Variants in ROBO1 observed in about 807,000 individuals in gnomAD.
ROBO1 encodes roundabout guidance receptor 1.
Under a neutral mutation model 195.9 loss-of-function variants are expected in ROBO1, and 149 were observed. The observed-to-expected ratio is 0.76, with a 90% CI of 0.67 to 0.87. The LOEUF (loss-of-function observed/expected upper bound fraction) is 0.87. Ranked by LOEUF, ROBO1 falls within the 40% of genes least tolerant of loss-of-function variation. The pLI, the probability that ROBO1 is intolerant of heterozygous loss-of-function variation, is 0.00. For synonymous variants in ROBO1, 816 were observed against 733.2 expected (o/e 1.11, Z -1.82); for missense variants, 1,933 against 2,068.3 (o/e 0.93, Z 1.27).
At chr3:78,696,716 G>A (rs7610500) in intron 8 of ROBO1, among the ~76,000 whole-genome samples, 37,070 of 138,452 alleles carry the variant, frequency 0.27, 4,864 homozygotes, top group African/African-American at 0.34. Flanking sequence ...ATATATACAC[G>A]TATATATACA....
chr3:79,052,267 C>T (rs145164957), intron 3 of ROBO1, among the ~76,000 whole-genome samples: 15 of 152,152 alleles, frequency 9.9e-5, no homozygotes, highest in South Asian at 2.1e-4. Flanking sequence ...GGATGAAATA[C>T]GCCCTCGTCT....
At chr3:79,268,108 T>C (rs927261194) in intron 2 of ROBO1, among the ~76,000 whole-genome samples, 2 of 151,554 alleles carry the variant, frequency 1.3e-5, no homozygotes, top group African/African-American at 4.8e-5. Context: ...GCAGAAAAAA[T>C]TATCACAGGT....
At chr3:79,080,959 G>A (rs1359973068) in intron 3 of ROBO1, among the ~76,000 whole-genome samples, 1 of 151,970 alleles carries the variant, frequency 6.6e-6, no homozygotes, top group Non-Finnish European at 1.5e-5. Flanking sequence ...AGCAAATCAG[G>A]GCCCAGAGTT....
intron 2 of ROBO1, among the ~76,000 whole-genome samples, chr3:79,240,766 C>T (rs2082498505): frequency 6.6e-6 from 1 of 152,084 alleles, no homozygotes; most frequent in African/African-American, 2.4e-5. Flanking sequence ...CCAACCTCAG[C>T]CTCAGCCTGG....
intron 1 of ROBO1, among the ~76,000 whole-genome samples, chr3:79,598,551 A>G (rs1944248617): frequency 6.6e-6 from 1 of 151,930 alleles, no homozygotes; most frequent in Admixed American, 6.6e-5. Context: ...TTATTATTTA[A>G]TTTATTTTAT....
chr3:79,496,014 A>G (rs1251402613), intron 2 of ROBO1, among the ~76,000 whole-genome samples: 1 of 151,976 alleles, frequency 6.6e-6, no homozygotes, highest in Non-Finnish European at 1.5e-5. Flanking sequence ...GGAGTTGGAG[A>G]CCAGCCTGGC....
intron 3 of ROBO1, among the ~76,000 whole-genome samples, chr3:78,985,504 T>C (rs1576514386): frequency 1.3e-5 from 2 of 152,170 alleles, no homozygotes; most frequent in South Asian, 2.1e-4. Context: ...TCAGCACCCC[T>C]GGCCCCAGTG....
Position 78,639,899 on chromosome 3 carries a change from C to T in ROBO1, c.2883-1G>A, listed in dbSNP as rs1319798375. The T allele has an allele frequency of 1.3e-6, 2 of 1,536,286 alleles. No individual in the cohort carries two copies. Among genetic ancestry groups the T allele is most frequent in the South Asian group, 1.2e-5 (1 of 80,858 alleles). ...TTCACTGATGTTGAGAAGTCCAGGC[C>T]TAAATAAAAAAAAAATATTAAAGCA... On this transcript the variant is annotated splice_acceptor_variant, in intron 21 of 30. Coordinates refer to ENST00000464233, the MANE Select transcript of ROBO1 (RefSeq NM_002941.4). LOFTEE classifies it high-confidence loss of function.
intron 1 of ROBO1, among the ~76,000 whole-genome samples, chr3:79,715,433 C>T (rs2107258944): frequency 6.6e-6 from 1 of 152,278 alleles, no homozygotes; most frequent in East Asian, 1.9e-4. Context: ...GCGAGACACT[C>T]TACCAGCAAA....
intron 3 of ROBO1, among the ~76,000 whole-genome samples, chr3:79,096,277 A>G (rs2079564379): frequency 6.6e-6 from 1 of 151,956 alleles, no homozygotes; most frequent in South Asian, 2.1e-4. Context: ...TGATTTATGT[A>G]GGCATATGGT....
intron 2 of ROBO1, among the ~76,000 whole-genome samples, chr3:79,370,648 T>A (rs890307868): frequency 1.3e-5 from 2 of 151,046 alleles, no homozygotes; most frequent in African/African-American, 4.9e-5. Context: ...TATATATATA[T>A]AAAAATGTTA....
chr3:79,113,215 C>T (rs556528579), intron 3 of ROBO1, among the ~76,000 whole-genome samples: 1 of 152,180 alleles, frequency 6.6e-6, no homozygotes, highest in East Asian at 1.9e-4. Flanking sequence ...TTGCTAATAC[C>T]TAGAGATCCA....
At chr3:79,536,873 T>C (rs1343335997) in intron 2 of ROBO1, among the ~76,000 whole-genome samples, 1 of 152,156 alleles carries the variant, frequency 6.6e-6, no homozygotes, top group Non-Finnish European at 1.5e-5. Context: ...AAAGTCTGTG[T>C]CACTTTTTTC....
chr3:79,055,130 C>A (rs1303379650), intron 3 of ROBO1, among the ~76,000 whole-genome samples: 1 of 152,088 alleles, frequency 6.6e-6, no homozygotes, highest in Non-Finnish European at 1.5e-5. Flanking sequence ...GGGCATCCAC[C>A]TCTGCTAAAG....
At chr3:79,405,579 A>T (rs1017377240) in intron 2 of ROBO1, among the ~76,000 whole-genome samples, 1 of 152,116 alleles carries the variant, frequency 6.6e-6, no homozygotes, top group Non-Finnish European at 1.5e-5. Flanking sequence ...TTTTTATTTT[A>T]CTTCATCATG....
chr3:79,719,950 T>TA (rs1485408687), intron 1 of ROBO1, among the ~76,000 whole-genome samples: 2 of 152,212 alleles, frequency 1.3e-5, no homozygotes, highest in Non-Finnish European at 2.9e-5. Context: ...GGTAGTTGGG[T>TA]AAAGACTAGA....
At chr3:79,084,318 G>T (rs1039100162) in intron 3 of ROBO1, among the ~76,000 whole-genome samples, 8 of 152,134 alleles carry the variant, frequency 5.3e-5, no homozygotes, top group Admixed American at 5.2e-4. Flanking sequence ...GACCAACATG[G>T]AGAAACCCCG....
At chr3:79,742,851 C>G (rs1037245681) in intron 1 of ROBO1, among the ~76,000 whole-genome samples, 16 of 152,110 alleles carry the variant, frequency 1.1e-4, no homozygotes, top group African/African-American at 3.9e-4. Flanking sequence ...GCCTTCTGTT[C>G]TGGGCTTTGA....
chr3:78,993,431 C>T (rs1477671206), intron 3 of ROBO1, among the ~76,000 whole-genome samples: 4 of 152,106 alleles, frequency 2.6e-5, no homozygotes, highest in Non-Finnish European at 5.9e-5. Flanking sequence ...GGCAGGAATA[C>T]AAAGGCCTAA....
Sources: gnomAD v4.1 joint callset for allele counts (sites outside exome capture counted in the v4.1 genomes callset) on GRCh38, gnomAD v4.1.1 for gene constraint, MANE v1.5 for transcripts, NCBI Gene and HGNC (gene_info 2026-07-23, HGNC 2026-07-21) for gene names.